ST18: variants seen among roughly 807,000 people sequenced by gnomAD.
ST18 encodes the protein suppression of tumorigenicity 18 protein.
Under a neutral mutation model 110.0 loss-of-function variants are expected in ST18, and 50 were observed. The observed-to-expected ratio is 0.45, with a 90% confidence interval of 0.36 to 0.58. The LOEUF (loss-of-function observed/expected upper bound fraction) is 0.58. Ranked by LOEUF, ST18 falls within the 20% of genes least tolerant of loss-of-function variation. ST18 has a pLI of 0.00. For missense variants in ST18, 1,306 were observed against 1,280.1 expected (o/e 1.02, Z -0.31); for synonymous variants, 461 against 452.4 (o/e 1.02, Z -0.24).
rs16917678 is a variant in ST18 at position 52,324,276 on chromosome 8, T to C, written c.-465+85052A>G. 7.3e-3 allele frequency among the ~76,000 whole-genome samples: 1,111 copies of C among 152,214 alleles called. 47 individuals are homozygous for C. The highest frequency in any genetic ancestry group is 0.062 in the Admixed American group (942 of 15,288). ...TGCAAGACAATAAGAAAAGTCTCAC[T>C]AGCAGTCAATTACAGGTTGATAGAT... On this transcript the variant is annotated intron_variant, in intron 2 of 25. Transcript: ENST00000689386.
At chr8:52,202,297 T>C (rs963217719) in intron 8 of ST18, among the ~76,000 whole-genome samples, 1 of 152,176 alleles carries the variant, frequency 6.6e-6, no homozygotes, top group African/African-American at 2.4e-5. Flanking sequence ...GTAGATAATG[T>C]AAAATAAAAT....
chr8:52,280,514 A>G (rs2095356193), intron 2 of ST18, among the ~76,000 whole-genome samples: 1 of 152,116 alleles, frequency 6.6e-6, no homozygotes, highest in African/African-American at 2.4e-5. Flanking sequence ...AAAAGCCGAA[A>G]GTAAAAAGTT....
In ST18 at chr8:52,367,699, C is replaced by T. The variant is rs1237116000; in HGVS notation, c.-465+41629G>A. On this transcript the variant is annotated intron_variant, in intron 2 of 25. Coordinates refer to ENST00000689386, the MANE Select transcript of ST18 (RefSeq NM_001352837.2). ...TTAGGGTTTGGTCCCATCTCTTGGA[C>T]CTTATTGCGACCAATTAACAAGTTA... is the stretch of plus-strand genomic sequence containing the variant. Among the ~76,000 whole-genome samples the T allele has an allele frequency of 2.6e-5, 4 of 152,146 alleles. No homozygotes were observed. The South Asian group carries it at 8.3e-4, about 32-fold the overall frequency.
chr8:52,261,747 C>T (rs1375300416), intron 2 of ST18, among the ~76,000 whole-genome samples: 3 of 152,162 alleles, frequency 2.0e-5, no homozygotes, highest in East Asian at 1.9e-4. Flanking sequence ...GGCTTTGTCC[C>T]AACATTTCAT....
intron 2 of ST18, chr8:52,407,409 C>G (rs941288820): frequency 2.0e-5 from 3 of 152,044 alleles, no homozygotes; most frequent in Admixed American, 6.6e-5. Context: ...CGCTGTGTTG[C>G]GTAGGGAATC....
chr8:52,338,991 A>C (rs1813568827), intron 2 of ST18, among the ~76,000 whole-genome samples: 1 of 151,964 alleles, frequency 6.6e-6, no homozygotes, highest in African/African-American at 2.4e-5. Context: ...CGACCCTCCC[A>C]CCTCAGCCTC....
At chr8:52,374,904 G>T (rs140152933) in intron 2 of ST18, among the ~76,000 whole-genome samples, 82 of 152,174 alleles carry the variant, frequency 5.4e-4, no homozygotes, top group African/African-American at 1.8e-3. Context: ...TCTTGTATAT[G>T]TACCACATCT....
chr8:52,217,479 TTAA>T (rs1350159413), intron 6 of ST18, among the ~76,000 whole-genome samples: 3 of 152,164 alleles, frequency 2.0e-5, no homozygotes, highest in African/African-American at 7.2e-5. Context: ...TCTCTAATTC[TTAA>T]TAATGCCATG....
chr8:52,321,909 A>G (rs549718606), intron 2 of ST18, among the ~76,000 whole-genome samples: 13 of 152,344 alleles, frequency 8.5e-5, no homozygotes, highest in African/African-American at 2.6e-4. Context: ...GTCTTTACCC[A>G]CTAAACAGAA....
chr8:52,326,111 TG>T (rs1806272703), intron 2 of ST18, among the ~76,000 whole-genome samples: 1 of 152,200 alleles, frequency 6.6e-6, no homozygotes, highest in Non-Finnish European at 1.5e-5. Flanking sequence ...TGAAAAGCCT[TG>T]TGCCTCCAAA....
intron 8 of ST18, among the ~76,000 whole-genome samples, chr8:52,180,731 A>T (rs962629550): frequency 6.6e-6 from 1 of 152,228 alleles, no homozygotes; most frequent in African/African-American, 2.4e-5. Flanking sequence ...TTTGCTACTG[A>T]AACTGCTTAT....
intron 2 of ST18, among the ~76,000 whole-genome samples, chr8:52,240,626 C>A (rs576642196): frequency 2.0e-5 from 3 of 152,180 alleles, no homozygotes; most frequent in Non-Finnish European, 4.4e-5. Flanking sequence ...TCTTTCTCCT[C>A]AGCATAGAAA....
In ST18 at chr8:52,398,849, G is replaced by A. The variant is rs181096990; in HGVS notation, c.-465+10479C>T. Among the ~76,000 whole-genome samples, 6 of 152,132 alleles carry A rather than the reference G, an allele frequency of 3.9e-5. No individual in the cohort carries two copies. The East Asian group carries it at 1.2e-3, about 29-fold the overall frequency. On this transcript the variant is annotated intron_variant, in intron 2 of 25. Transcript: ENST00000689386. ...GCTGAATTGAGTTTGCTAATATTTT[G>A]TTGAGGATTTTTGTATTAACATTCA... is the stretch of plus-strand genomic sequence containing the variant.
chr8:52,272,468 T>C (rs982685929), intron 2 of ST18, among the ~76,000 whole-genome samples: 1 of 152,220 alleles, frequency 6.6e-6, no homozygotes, highest in Non-Finnish European at 1.5e-5. Flanking sequence ...ATAGATATAA[T>C]GTTCACCGTC....
intron 2 of ST18, among the ~76,000 whole-genome samples, chr8:52,273,238 T>C (rs2095134311): frequency 6.6e-6 from 1 of 152,190 alleles, no homozygotes; most frequent in African/African-American, 2.4e-5. Context: ...CAGTCTAAGC[T>C]GGGAATCGTG....
intron 2 of ST18, among the ~76,000 whole-genome samples, chr8:52,339,303 C>T (rs1444942596): frequency 6.6e-6 from 1 of 152,312 alleles, no homozygotes; most frequent in South Asian, 2.1e-4. Flanking sequence ...ACATCAAACT[C>T]CTCTCCCTCT....
chr8:52,132,324 G>A (rs2050002222), intron 21 of ST18, 145 bp from the exon 22 acceptor site: 1 of 657,318 alleles, frequency 1.5e-6, no homozygotes, highest in Non-Finnish European at 2.5e-6. Flanking sequence ...CAGGCTCAGA[G>A]CTACGCGATT....
At chr8:52,405,786 A>T (rs1844270277) in intron 2 of ST18, 1 of 152,192 alleles carries the variant, frequency 6.6e-6, no homozygotes, top group South Asian at 2.1e-4. Context: ...ATTTCAATGG[A>T]ATGTTTACAT....
chr8:52,113,954 G>GTTTTTTTTTTTTTTTTTTTTTTTTT (rs1158213340), intron 25 of ST18, among the ~76,000 whole-genome samples: 2 of 45,422 alleles, frequency 4.4e-5, no homozygotes, highest in African/African-American at 8.2e-5. Flanking sequence ...TTCATACCGT[G>GTTTTTTTTTTTTTTTTTTTTTTTTT]TTTTTTTTTT....
Sources: gnomAD v4.1 joint callset for allele counts (sites outside exome capture counted in the v4.1 genomes callset) on GRCh38, gnomAD v4.1.1 for gene constraint, MANE v1.5 for transcripts, NCBI Gene and HGNC (gene_info 2026-07-23, HGNC 2026-07-21) for gene names.